The following LTK variants were observed in gnomAD, a reference collection of about 807,000 sequenced individuals.
LTK encodes the protein leukocyte receptor tyrosine kinase.
LTK carries 117 observed loss-of-function variants against 101.5 expected under a neutral mutation model. The observed-to-expected ratio is 1.15, with a 90% CI of 0.99 to 1.34. The LOEUF is 1.34. Among genes scored for constraint, LTK ranks in the 40% most tolerant of loss-of-function variants. LTK has a pLI of 0.00. For synonymous variants in LTK, 563 were observed against 494.2 expected (o/e 1.14, Z -1.85); for missense variants, 1,252 against 1,164.7 (o/e 1.07, Z -1.09).
intron 11 of LTK, 103 bp from the exon 12 acceptor site, chr15:41,506,108 C>A: frequency 1.4e-6 from 1 of 730,722 alleles, no homozygotes; most frequent in Non-Finnish European, 2.4e-6. Flanking sequence ...ATATGCCCAG[C>A]TGACCCTATA....
At position 41,511,349 on chromosome 15, in the gene LTK, G is replaced by C; in HGVS notation, c.815-3C>G. 7 of 1,358,852 alleles carry C rather than the reference G, an allele frequency of 5.2e-6. No homozygotes were observed. The highest frequency in any genetic ancestry group is 6.6e-6 in the Non-Finnish European group (7 of 1,063,360). The allele number at this position is 1,358,852 out of a possible 1,614,324, so 84.2% of individuals were successfully genotyped here. On this transcript the variant is annotated splice_region_variant and splice_polypyrimidine_tract_variant and intron_variant, in intron 6 of 19. Transcript: ENST00000263800. The surrounding 1 kb of genome is among the most constrained non-coding windows in gnomAD (Gnocchi z 5.9). ...CGACGTCCAGCCGCCCCCACCACCTGCAGAGCGACAGCAGGAAGGTTGGCA... is the reference window on the plus strand; with the variant it reads ...CGACGTCCAGCCGCCCCCACCACCTCCAGAGCGACAGCAGGAAGGTTGGCA...
At position 41,511,649 on chromosome 15, in the gene LTK, T is replaced by C; in HGVS notation, c.658-71A>G. 7.2e-7 allele frequency: 1 copy of C among 1,397,874 alleles called. No homozygotes were observed. Among genetic ancestry groups the C allele is most frequent in the African/African-American group, 1.5e-5 (1 of 65,724 alleles). 86.6% of individuals were successfully genotyped at this position (1,397,874 alleles called of 1,614,324 possible). Reference sequence around the variant, plus strand: ...AGGGGCACTGCCACTGGGAGAGGGCTCCCGCCCAGGGGGCCTGGATAAGGG... The same window carrying C: ...AGGGGCACTGCCACTGGGAGAGGGCCCCCGCCCAGGGGGCCTGGATAAGGG... On this transcript the variant is annotated intron_variant, in intron 5 of 19. Transcript: ENST00000263800. The surrounding 1 kb of genome is among the most constrained non-coding windows in gnomAD (Gnocchi z 5.9).
intron 9 of LTK, 31 bp from the exon 10 acceptor site, chr15:41,507,688 A>T (rs200982888): frequency 1.3e-5 from 21 of 1,598,988 alleles, no homozygotes; most frequent in Non-Finnish European, 1.8e-5. Flanking sequence ...CTCCAGTGGG[A>T]AGGTCTTCTC....
intron 1 of LTK, among the ~76,000 whole-genome samples, 196 bp downstream of exon 1, chr15:41,513,471 G>A (rs1483491661): frequency 6.6e-6 from 1 of 152,234 alleles, no homozygotes. Flanking sequence ...CCCAAGCTGC[G>A]TGATCCAGAC....
At chr15:41,508,564 A>AAAAT (rs141710966) in intron 8 of LTK, among the ~76,000 whole-genome samples, 13,993 of 145,554 alleles carry the variant, frequency 0.096, 1,836 homozygotes, top group African/African-American at 0.3. Context: ...CTCAAAAATA[A>AAAAT]AAATAAATAA....
rs147393656 is a variant in LTK, at chr15:41,507,319, C to A, written c.1346-29G>T. 31 of 1,564,808 alleles carry A rather than the reference C, an allele frequency of 2.0e-5. No individual in the cohort carries two copies. In the African/African-American group the frequency reaches 3.1e-4, roughly 16 times the overall value. On this transcript the variant is annotated intron_variant, in intron 10 of 19. Transcript: ENST00000263800. ...GGGGTGGGAAGAATAACGGCACACC[C>A]TCCACCTGCCCATCAACTCTCCCTC... is the stretch of plus-strand genomic sequence containing the variant.
In LTK at chr15:41,511,407, G is replaced by C; in HGVS notation, c.814+15C>G. On this transcript the variant is annotated intron_variant, in intron 6 of 19. Transcript: ENST00000263800. This position sits in a 1 kb window ranked among gnomAD's most constrained non-coding sequence, Gnocchi z 5.9. ...GGGGAGCACGCCCGCCTCTCCCCGCGGCCCGCGCCCTCACCTGCCGCCCCG... is the reference window on the plus strand; with the variant it reads ...GGGGAGCACGCCCGCCTCTCCCCGCCGCCCGCGCCCTCACCTGCCGCCCCG... The C allele has an allele frequency of 7.3e-7, 1 of 1,373,518 alleles. No homozygotes were observed. Among genetic ancestry groups the C allele is most frequent in the East Asian group, 3.1e-5 (1 of 32,584 alleles). 85.1% of individuals were successfully genotyped at this position (1,373,518 alleles called of 1,614,324 possible). A position where few individuals can be genotyped will look rare whatever the true frequency, so the allele number is the denominator to read the frequency against.
At chr15:41,506,111 A>T in intron 11 of LTK, 106 bp from the exon 12 acceptor site, 1 of 712,690 alleles carries the variant, frequency 1.4e-6, no homozygotes, top group East Asian at 2.6e-5. Context: ...TGCCCAGCTG[A>T]CCCTATATAG....
chr15:41,505,718 G>C lies in LTK; in HGVS notation c.1692C>G (p.Ile564Met), dbSNP rs1327129940. ...DELDFLMEAL[I>M]ISKFRHQNIV... ...GCCCCTGGTCCCAGGTGCACCTGAT[G>C]ATGAGGGCCTCCATGAGGAAATCCA... The change falls in exon 13 of 20, where the codon ATC becomes ATG. Residue 564 changes from isoleucine (I) to methionine (M), a missense_variant. By Grantham distance (10) the Ile-to-Met change is conservative. Transcript: ENST00000263800. The C allele has an allele frequency of 5.6e-6, 9 of 1,613,834 alleles. No individual in the cohort carries two copies. The highest frequency in any genetic ancestry group is 1.3e-5 in the African/African-American group (1 of 75,028).
chr15:41,513,799 GC>G lies in LTK; in HGVS notation c.-91del. 1 of 1,191,162 alleles carries G rather than the reference GC, an allele frequency of 8.4e-7. No individual in the cohort carries two copies. The highest frequency in any genetic ancestry group is 2.4e-5 in the East Asian group (1 of 42,280). The allele number at this position is 1,191,162 out of a possible 1,614,324, so 73.8% of individuals were successfully genotyped here. On this transcript the variant is annotated 5_prime_UTR_variant, in exon 1 of 20. Coordinates refer to ENST00000263800, the MANE Select transcript of LTK (RefSeq NM_002344.6). ...GTTGACAGCTCATTTTGCCACGGCA[GC>G]CCTGGCCACCACTTACAGGGGTGTG...
At chr15:41,507,480 C>T (rs757528990) in intron 10 of LTK, 82 bp downstream of exon 10, 247 of 1,564,574 alleles carry the variant, frequency 1.6e-4, no homozygotes, top group Non-Finnish European at 2.0e-4. Flanking sequence ...TTGAAGTCAG[C>T]CCCGGGACCC....
Position 41,511,408 on chromosome 15 carries a change from G to T in LTK, c.814+14C>A. ...GGGAGCACGCCCGCCTCTCCCCGCG[G>T]CCCGCGCCCTCACCTGCCGCCCCGC... is the stretch of plus-strand genomic sequence containing the variant. On this transcript the variant is annotated intron_variant, in intron 6 of 19. Transcript: ENST00000263800. The surrounding 1 kb of genome is among the most constrained non-coding windows in gnomAD (Gnocchi z 5.9). 1 of 1,376,368 alleles carries T rather than the reference G, an allele frequency of 7.3e-7. No individual in the cohort carries two copies. The allele number at this position is 1,376,368 out of a possible 1,614,324, so 85.3% of individuals were successfully genotyped here.
rs1352717707 is a variant in LTK at position 41,511,254 on chromosome 15, C to G, written c.907G>C (p.Ala303Pro). 7.0e-7 allele frequency: 1 copy of G among 1,427,762 alleles called. No homozygotes were observed. The highest frequency in any genetic ancestry group is 9.1e-7 in the Non-Finnish European group (1 of 1,094,760). 88.4% of individuals were successfully genotyped at this position (1,427,762 alleles called of 1,614,324 possible). Residue 303 changes from alanine to proline, a missense_variant, in exon 7 of 20, where the codon GCT (alanine) becomes CCT (proline). Coordinates refer to ENST00000263800, the MANE Select transcript of LTK (RefSeq NM_002344.6). This position sits in a 1 kb window ranked among gnomAD's most constrained non-coding sequence, Gnocchi z 5.9. ...GCGGCCCAGCCAAGGGTCGCCCAAG[C>G]CTCGGAGCAGCCCTGGCCGCCCTCC... The part of the protein sequence containing the change: ...GAEGGQGCSE[A>P]WATLGWAAAG...
intron 12 of LTK, 64 bp downstream of exon 12, chr15:41,505,851 C>T: frequency 1.9e-6 from 3 of 1,600,450 alleles, no homozygotes; most frequent in Non-Finnish European, 2.6e-6. Context: ...TAGCTCTAGT[C>T]ATTGTCCTTC....
At position 41,505,261 on chromosome 15, in the gene LTK, G is replaced by A. The variant is rs1342503068; in HGVS notation, c.1872C>T (p.Ala624=). 1.9e-6 allele frequency: 3 copies of A among 1,614,054 alleles called. No individual in the cohort carries two copies. Among genetic ancestry groups the A allele is most frequent in the East Asian group, 4.5e-5 (2 of 44,878 alleles). The stretch of plus-strand genomic sequence containing the variant: ...AGTGGCAGCCCTGGGCTATGTCCTG[G>A]GCCAGTTGCAGCAGGTCCCGCATGA... ...PLVMRDLLQL[A]QDIAQGCHYL... The change falls in exon 15 of 20, where the codon GCC becomes GCT. Residue 624 remains alanine (A), a synonymous_variant. Transcript: ENST00000263800.
rs754355804 is a variant in LTK, at chr15:41,504,854, C to T, written c.2039G>A (p.Gly680Glu). 6 of 1,612,956 alleles carry T rather than the reference C, an allele frequency of 3.7e-6. No individual in the cohort carries two copies. Among genetic ancestry groups the T allele is most frequent in the South Asian group, 1.1e-5 (1 of 90,794 alleles). The change falls in exon 17 of 20, where the codon GGG becomes GAG. Residue 680 changes from glycine (G) to glutamate (E), a missense_variant. Transcript: ENST00000263800. Reference sequence around the variant, plus strand: ...CTTGACTGGGAGCAAGGCCCGGTCCCCCCTGCGGTAATAACTGGCCCTACA... The same window carrying T: ...CTTGACTGGGAGCAAGGCCCGGTCCTCCCTGCGGTAATAACTGGCCCTACA... ...DIYRASYYRR[G>E]DRALLPVKWM...
At position 41,504,953 on chromosome 15, in the gene LTK, C is replaced by G. The variant is rs749141138; in HGVS notation, c.2018+19G>C. 6.2e-7 allele frequency: 1 copy of G among 1,600,766 alleles called. No individual in the cohort carries two copies. Reference sequence around the variant, plus strand: ...AACCCCCTTGGAGCAAGAGCCTTCCCACCTCCCAAGTCCCGCACCGGTAGA... The same window carrying G: ...AACCCCCTTGGAGCAAGAGCCTTCCGACCTCCCAAGTCCCGCACCGGTAGA... On this transcript the variant is annotated intron_variant, in intron 16 of 19. Coordinates refer to ENST00000263800, the MANE Select transcript of LTK (RefSeq NM_002344.6).
At chr15:41,513,432 T>C (rs1051950833) in intron 1 of LTK, among the ~76,000 whole-genome samples, 3 of 152,222 alleles carry the variant, frequency 2.0e-5, no homozygotes, top group African/African-American at 7.2e-5. Flanking sequence ...CCCAAGGCGG[T>C]GCTGAGACCC....
Position 41,504,773 on chromosome 15 carries a change from C to T in LTK, c.2120G>A (p.Trp707Ter), listed in dbSNP as rs2278658. 177 of 1,579,288 alleles carry T rather than the reference C, an allele frequency of 1.1e-4. No homozygotes were observed. The East Asian group carries it at 3.9e-3, about 35-fold the overall frequency. ...AAGGGGAGGGGAAGGGTGTTATCAC[C>T]AGGAATCTGTCTTGGATGTGAAGAT... ...EGIFTSKTDS[W>*]SFGVLLWEIF... is the part of the protein sequence containing the mutation. Residue 707 changes from tryptophan (W) to a stop codon, truncating the protein, a stop_gained and splice_region_variant, in exon 17 of 20, where the codon TGG becomes TAG. Transcript: ENST00000263800. LOFTEE classifies it high-confidence loss of function.
Sources: gnomAD v4.1 joint callset for allele counts (sites outside exome capture counted in the v4.1 genomes callset) on GRCh38, gnomAD v4.1.1 for gene constraint, Gnocchi (gnomAD v3.1) non-coding constraint, MANE v1.5 for transcripts, NCBI Gene and HGNC (gene_info 2026-07-23, HGNC 2026-07-21) for gene names.